The following KDM4C variants were observed in gnomAD, a reference collection of about 807,000 sequenced individuals.
KDM4C encodes the protein lysine-specific demethylase 4C.
Under a neutral mutation model 129.3 loss-of-function variants are expected in KDM4C, and 81 were observed. The ratio of observed to expected loss-of-function variants is 0.63; its 90% CI spans 0.52 to 0.75. The LOEUF (loss-of-function observed/expected upper bound fraction) is 0.75, where lower values mean the gene tolerates loss of function less well. KDM4C is among the 30% of genes least tolerant of loss of function. KDM4C has a pLI of 0.00. For synonymous variants in KDM4C, 573 were observed against 456.1 expected (o/e 1.26, Z -3.26); for missense variants, 1,457 against 1,304.0 (o/e 1.12, Z -1.81).
intron 12 of KDM4C, among the ~76,000 whole-genome samples, chr9:6,995,992 A>T (rs940088167): frequency 6.6e-6 from 1 of 152,096 alleles, no homozygotes; most frequent in Non-Finnish European, 1.5e-5. Context: ...TTTTAAAAAT[A>T]TATTTAGGGG....
chr9:7,048,510 A>G (rs915895529), intron 16 of KDM4C, among the ~76,000 whole-genome samples: 8 of 152,122 alleles, frequency 5.3e-5, no homozygotes, highest in Non-Finnish European at 1.0e-4. Flanking sequence ...TGAAAAAAGT[A>G]GGAAACTAGG....
intron 4 of KDM4C, among the ~76,000 whole-genome samples, chr9:6,843,165 GTGA>G (rs1837280701): frequency 6.6e-6 from 1 of 152,170 alleles, no homozygotes; most frequent in Admixed American, 6.5e-5. Context: ...CTGACCTCAG[GTGA>G]TCCTCCCATC....
intron 4 of KDM4C, among the ~76,000 whole-genome samples, chr9:6,831,223 G>A (rs910270043): frequency 3.0e-4 from 45 of 152,086 alleles, no homozygotes; most frequent in Admixed American, 7.9e-4. Flanking sequence ...CAGAATCAGT[G>A]GCTGAAACAA....
intron 4 of KDM4C, among the ~76,000 whole-genome samples, chr9:6,843,655 G>A (rs1206215901): frequency 6.6e-6 from 1 of 152,170 alleles, no homozygotes; most frequent in East Asian, 1.9e-4. Context: ...GGTGAGTGGT[G>A]GAGCCAGCAT....
intron 4 of KDM4C, among the ~76,000 whole-genome samples, chr9:6,833,118 T>G (rs923799039): frequency 6.6e-6 from 1 of 151,910 alleles, no homozygotes; most frequent in Non-Finnish European, 1.5e-5. Flanking sequence ...TATGGCTGTT[T>G]TAGTATATGT....
At chr9:7,018,211 G>C (rs1824027506) in intron 15 of KDM4C, among the ~76,000 whole-genome samples, 1 of 152,276 alleles carries the variant, frequency 6.6e-6, no homozygotes, top group African/African-American at 2.4e-5. Flanking sequence ...CTAATGTCCT[G>C]AGTAGTGTAG....
intron 8 of KDM4C, among the ~76,000 whole-genome samples, chr9:6,914,115 A>G (rs537114220): frequency 6.6e-6 from 1 of 152,244 alleles, no homozygotes; most frequent in East Asian, 1.9e-4. Flanking sequence ...GCTGGAGTGC[A>G]ATGGCGTAAT....
chr9:6,895,298 G>T (rs1290475710), intron 8 of KDM4C, among the ~76,000 whole-genome samples: 1 of 152,130 alleles, frequency 6.6e-6, no homozygotes, highest in Non-Finnish European at 1.5e-5. Flanking sequence ...TGAGACTCTG[G>T]GGAAGAATTC....
chr9:6,872,147 T>C (rs2130669775), intron 5 of KDM4C, among the ~76,000 whole-genome samples: 1 of 152,182 alleles, frequency 6.6e-6, no homozygotes, highest in East Asian at 1.9e-4. Context: ...TTTAAGAAGG[T>C]TGGAGTTAAA....
intron 17 of KDM4C, among the ~76,000 whole-genome samples, chr9:7,050,400 TGGACTTCCATA>T (rs2132562508): frequency 8.5e-6 from 1 of 117,792 alleles, no homozygotes; most frequent in South Asian, 2.7e-4. Flanking sequence ...CTTCAGCTCC[TGGACTTCCATA>T]GGAAAGCTTG....
intron 19 of KDM4C, among the ~76,000 whole-genome samples, chr9:7,155,918 C>T (rs187058100): frequency 5.9e-5 from 9 of 152,276 alleles, no homozygotes; most frequent in East Asian, 1.9e-4. Flanking sequence ...GTTCTAGATC[C>T]GTGAGCAATC....
intron 15 of KDM4C, among the ~76,000 whole-genome samples, chr9:7,023,427 T>G (rs1350399870): frequency 6.6e-6 from 1 of 152,188 alleles, no homozygotes; most frequent in African/African-American, 2.4e-5. Context: ...TATTGGCATA[T>G]AGTTGCTCCT....
chr9:6,795,826 C>T (rs1475533281), intron 2 of KDM4C, among the ~76,000 whole-genome samples: 1 of 151,970 alleles, frequency 6.6e-6, no homozygotes, highest in East Asian at 1.9e-4. Context: ...TATGCAGCAC[C>T]ATGCCTGGCT....
At chr9:7,103,451 G>A (rs1384007346) in intron 17 of KDM4C, among the ~76,000 whole-genome samples, 1 of 152,188 alleles carries the variant, frequency 6.6e-6, no homozygotes, top group Non-Finnish European at 1.5e-5. Context: ...ACAAGAAATA[G>A]TTAAACATAT....
chr9:6,858,197 G>C (rs763606910), intron 5 of KDM4C, among the ~76,000 whole-genome samples: 19 of 152,220 alleles, frequency 1.2e-4, no homozygotes, highest in Non-Finnish European at 2.1e-4. Flanking sequence ...CTTACCCATT[G>C]TGAGAATCCC....
rs145877419 is a variant in KDM4C at position 6,862,784 on chromosome 9, G to A, written c.629+13084G>A. 5.5e-4 allele frequency among the ~76,000 whole-genome samples: 83 copies of A among 152,086 alleles called. No homozygotes were observed. In the East Asian group the frequency reaches 0.015, roughly 27 times the overall value. ...ATCACGCCACTGTACTCCAGCATGG[G>A]TGACAGAGCGAGACTTTGTCTCAAA... On this transcript the variant is annotated intron_variant, in intron 5 of 21. Coordinates refer to ENST00000381309, the MANE Select transcript of KDM4C (RefSeq NM_015061.6).
At chr9:7,115,828 GTCA>G (rs1838836510) in intron 18 of KDM4C, among the ~76,000 whole-genome samples, 1 of 152,218 alleles carries the variant, frequency 6.6e-6, no homozygotes. Context: ...TATCTTCTTT[GTCA>G]TGTCCTTCCA....
chr9:6,847,235 C>T (rs970334985), intron 4 of KDM4C, among the ~76,000 whole-genome samples: 1 of 152,174 alleles, frequency 6.6e-6, no homozygotes, highest in Admixed American at 6.5e-5. Context: ...CATTGCTTCA[C>T]TAATGACTTT....
At chr9:6,964,068 GCTTT>G (rs1243712571) in intron 8 of KDM4C, among the ~76,000 whole-genome samples, 3 of 152,128 alleles carry the variant, frequency 2.0e-5, no homozygotes, top group Non-Finnish European at 4.4e-5. Flanking sequence ...TGTAATCTTT[GCTTT>G]CTTTATTGTC....
Sources: allele counts gnomAD v4.1 joint callset (sites outside exome capture counted in the v4.1 genomes callset), GRCh38; gene constraint gnomAD v4.1.1; transcripts MANE v1.5; gene names NCBI Gene and HGNC (gene_info 2026-07-23, HGNC 2026-07-21).